The following XYLT1 variants were observed in gnomAD, a reference collection of about 807,000 sequenced individuals.
XYLT1 encodes beta-D-xylosyltransferase 1.
XYLT1 carries 36 observed loss-of-function variants against 91.3 expected under a neutral mutation model. The ratio of observed to expected loss-of-function variants is 0.39; its 90% CI spans 0.30 to 0.52. XYLT1 has a LOEUF of 0.52. Ranked by LOEUF, XYLT1 falls within the 20% of genes least tolerant of loss-of-function variation. The pLI is 0.68. For synonymous variants in XYLT1, 588 were observed against 532.0 expected (o/e 1.11, Z -1.45); for missense variants, 1,242 against 1,284.5 (o/e 0.97, Z 0.51).
chr16:17,277,324 TAGTACCCAATGGTTAG>T (rs1202142336), intron 2 of XYLT1, among the ~76,000 whole-genome samples: 1 of 152,022 alleles, frequency 6.6e-6, no homozygotes, highest in East Asian at 1.9e-4. Context: ...GTAGTGAGCG[TAGTACCCAATGGTTAG>T]TTTTCTAACC....
chr16:17,261,151 G>A (rs1179911416), intron 2 of XYLT1, among the ~76,000 whole-genome samples: 1 of 151,326 alleles, frequency 6.6e-6, no homozygotes, highest in African/African-American at 2.4e-5. Context: ...TCTGAGGCAG[G>A]AGAATTGCTT....
chr16:17,340,005 C>T (rs1432267436), intron 2 of XYLT1, among the ~76,000 whole-genome samples: 1 of 151,900 alleles, frequency 6.6e-6, no homozygotes, highest in Non-Finnish European at 1.5e-5. Flanking sequence ...ATCCCTCTAT[C>T]CATCCACCCA....
chr16:17,442,759 C>A (rs2141942893), intron 1 of XYLT1, among the ~76,000 whole-genome samples: 1 of 152,322 alleles, frequency 6.6e-6, no homozygotes, highest in East Asian at 1.9e-4. Flanking sequence ...CTGAGCCCAG[C>A]TTTCTGCATC....
chr16:17,222,645 A>C (rs900346620), intron 3 of XYLT1, among the ~76,000 whole-genome samples: 4 of 151,914 alleles, frequency 2.6e-5, no homozygotes, highest in African/African-American at 9.7e-5. Context: ...TAAAAATTAG[A>C]TGGGCACAGT....
At chr16:17,294,588 A>G (rs1207002876) in intron 2 of XYLT1, among the ~76,000 whole-genome samples, 3 of 152,066 alleles carry the variant, frequency 2.0e-5, no homozygotes, top group African/African-American at 7.2e-5. Flanking sequence ...GACAGCACCC[A>G]GGAGAATCGC....
At position 17,200,570 on chromosome 16, in the gene XYLT1, A is replaced by C. The variant is rs770683987; in HGVS notation, c.998T>G (p.Val333Gly). The change falls in exon 4 of 12, where the codon GTG (valine) becomes GGG (glycine). Residue 333 changes from valine to glycine, a missense_variant. Val to Gly is a moderately radical substitution (Grantham distance 109). Coordinates refer to ENST00000261381, the MANE Select transcript of XYLT1 (RefSeq NM_022166.4). ...ANPVRIAFVL[V>G]VHGRASRQLQ... ...CTGCCGAGAGGCACGGCCGTGGACC[A>C]CCAGGACAAAGGCGATTCTGACCGG... 34 of 1,614,226 alleles carry C rather than the reference A, an allele frequency of 2.1e-5. No homozygotes were observed. The highest frequency in any genetic ancestry group is 2.9e-5 in the Non-Finnish European group (34 of 1,180,042).
At chr16:17,256,886 C>A (rs1254364256) in intron 3 of XYLT1, among the ~76,000 whole-genome samples, 1 of 152,200 alleles carries the variant, frequency 6.6e-6, no homozygotes, top group African/African-American at 2.4e-5. Flanking sequence ...TGGCTTGATT[C>A]TCTGACTTTA....
Position 17,108,909 on chromosome 16 carries a change from T to C in XYLT1, c.2666A>G (p.Glu889Gly), listed in dbSNP as rs149423967. 3.0e-5 allele frequency: 49 copies of C among 1,606,822 alleles called. No individual in the cohort carries two copies. Among genetic ancestry groups the C allele is most frequent in the Middle Eastern group, 1.7e-4 (1 of 6,032 alleles). Residue 889 changes from glutamate to glycine, a missense_variant, in exon 12 of 12, where the codon GAA becomes GGA. Coordinates refer to ENST00000261381, the MANE Select transcript of XYLT1 (RefSeq NM_022166.4). ...GGAGGCTGCGTTCCTCCGTGCCTGT[T>C]CCACCTGGGCGGGGTTGATGGGCAG... ...LSLPINPAQVEQARRNAASTG... is the reference protein window; with the variant it reads ...LSLPINPAQVGQARRNAASTG...
At chr16:17,156,746 C>T (rs919151869) in intron 6 of XYLT1, among the ~76,000 whole-genome samples, 4 of 152,202 alleles carry the variant, frequency 2.6e-5, no homozygotes, top group Non-Finnish European at 5.9e-5. Flanking sequence ...GGCCTCTGTA[C>T]TCTTAGTGGC....
chr16:17,361,442 T>TGAC (rs1329940823), intron 1 of XYLT1, among the ~76,000 whole-genome samples: 2 of 152,282 alleles, frequency 1.3e-5, no homozygotes, highest in Non-Finnish European at 2.9e-5. Context: ...TTCTAAACAC[T>TGAC]GACCTCGATA....
intron 5 of XYLT1, among the ~76,000 whole-genome samples, chr16:17,190,876 T>G (rs1028876997): frequency 6.6e-6 from 1 of 152,234 alleles, no homozygotes; most frequent in Non-Finnish European, 1.5e-5. Context: ...AGGATCATGA[T>G]TCTACAGTTT....
At chr16:17,255,072 C>T (rs2033610405) in intron 3 of XYLT1, among the ~76,000 whole-genome samples, 1 of 146,412 alleles carries the variant, frequency 6.8e-6, no homozygotes, top group African/African-American at 2.6e-5. Flanking sequence ...TCTCAGCTCA[C>T]TGCAACCTCT....
intron 2 of XYLT1, among the ~76,000 whole-genome samples, chr16:17,355,805 G>A (rs1189526241): frequency 1.3e-5 from 2 of 152,198 alleles, no homozygotes; most frequent in South Asian, 2.1e-4. Flanking sequence ...TACCTCCTGG[G>A]TCCATGTGAT....
intron 5 of XYLT1, among the ~76,000 whole-genome samples, chr16:17,171,720 G>A (rs896870537): frequency 6.6e-6 from 1 of 152,236 alleles, no homozygotes; most frequent in African/African-American, 2.4e-5. Flanking sequence ...TGCATCTGGG[G>A]GAACCCCAGG....
intron 1 of XYLT1, among the ~76,000 whole-genome samples, chr16:17,365,868 A>T (rs147291134): frequency 1.3e-3 from 195 of 152,274 alleles, no homozygotes; most frequent in African/African-American, 4.3e-3. Flanking sequence ...CAAAAATCTA[A>T]ACTCCTGTAT....
rs1211411846 is a variant in XYLT1, at chr16:17,221,468, C to T, written c.914-20814G>A. On this transcript the variant is annotated intron_variant, in intron 3 of 11. Coordinates refer to ENST00000261381, the MANE Select transcript of XYLT1 (RefSeq NM_022166.4). ...TGCCAAGGAAGAACAGGTTGAGACT[C>T]AAGAGGTTATATAGCATAACCAAGA... 3.3e-5 allele frequency among the ~76,000 whole-genome samples: 5 copies of T among 152,148 alleles called. No homozygotes were observed. In the East Asian group the frequency reaches 9.6e-4, roughly 29 times the overall value.
chr16:17,143,911 C>T (rs1447405534), intron 6 of XYLT1, among the ~76,000 whole-genome samples: 5 of 152,104 alleles, frequency 3.3e-5, no homozygotes, highest in African/African-American at 7.2e-5. Context: ...TCACCATCAT[C>T]GTCACCAATT....
chr16:17,285,640 G>A (rs1484664545), intron 2 of XYLT1, among the ~76,000 whole-genome samples: 1 of 152,168 alleles, frequency 6.6e-6, no homozygotes, highest in Non-Finnish European at 1.5e-5. Context: ...GGAATGCCAG[G>A]CCCTTCACCC....
intron 3 of XYLT1, among the ~76,000 whole-genome samples, chr16:17,224,065 A>C (rs1351855424): frequency 6.6e-6 from 1 of 152,240 alleles, no homozygotes; most frequent in African/African-American, 2.4e-5. Context: ...TGTTATCTAG[A>C]GAAGCTACCA....
Sources: allele counts gnomAD v4.1 joint callset (sites outside exome capture counted in the v4.1 genomes callset), GRCh38; gene constraint gnomAD v4.1.1; transcripts MANE v1.5; gene names NCBI Gene and HGNC (gene_info 2026-07-23, HGNC 2026-07-21).